The following FSIP1 variants were observed in gnomAD, a reference collection of about 807,000 sequenced individuals.
The protein encoded by FSIP1 is fibrous sheath interacting protein 1, also known as fibrous sheath-interacting protein 1.
Under a neutral mutation model 60.9 loss-of-function variants are expected in FSIP1, and 65 were observed. That is an observed-to-expected ratio of 1.07 (90% CI 0.87 to 1.31). The LOEUF is 1.31. Among genes scored for constraint, FSIP1 ranks in the 40% most tolerant of loss-of-function variants. The probability of loss-of-function intolerance (pLI) is 0.00; values close to 1 mark genes in which losing one functional copy is unlikely to be tolerated. For synonymous variants in FSIP1, 209 were observed against 221.2 expected (o/e 0.94, Z 0.49); for missense variants, 675 against 665.5 (o/e 1.01, Z -0.16).
intron 10 of FSIP1, among the ~76,000 whole-genome samples, chr15:39,654,663 G>A (rs895582854): frequency 1.3e-5 from 2 of 152,334 alleles, no homozygotes; most frequent in African/African-American, 2.4e-5. Context: ...GATATAACAC[G>A]TATATTCGTT....
intron 10 of FSIP1, among the ~76,000 whole-genome samples, chr15:39,635,830 T>G (rs1407510529): frequency 6.6e-6 from 1 of 152,136 alleles, no homozygotes; most frequent in African/African-American, 2.4e-5. Context: ...GCTTAAGCTC[T>G]ATTACCCCAG....
At chr15:39,722,311 G>C (rs1896014429) in intron 9 of FSIP1, among the ~76,000 whole-genome samples, 1 of 151,860 alleles carries the variant, frequency 6.6e-6, no homozygotes, top group African/African-American at 2.4e-5. Flanking sequence ...CTACATTATG[G>C]TGAGTTGTAT....
chr15:39,760,661 C>T (rs1897465254), intron 5 of FSIP1, among the ~76,000 whole-genome samples: 1 of 152,126 alleles, frequency 6.6e-6, no homozygotes, highest in Non-Finnish European at 1.5e-5. Context: ...GAGGAACTAT[C>T]ACAGATTGGA....
intron 1 of FSIP1, among the ~76,000 whole-genome samples, chr15:39,781,738 C>A (rs79434085): frequency 0.021 from 3,259 of 152,276 alleles, 124 homozygotes; most frequent in African/African-American, 0.075. Flanking sequence ...TGTTTGCTTC[C>A]ATCAATATGA....
intron 8 of FSIP1, among the ~76,000 whole-genome samples, chr15:39,733,508 A>G (rs1328061829): frequency 1.3e-5 from 2 of 152,220 alleles, no homozygotes; most frequent in Non-Finnish European, 2.9e-5. Flanking sequence ...AAGAGGTCCT[A>G]TAGCCACCTG....
At chr15:39,690,811 C>T (rs1259313041) in intron 10 of FSIP1, among the ~76,000 whole-genome samples, 2 of 152,154 alleles carry the variant, frequency 1.3e-5, no homozygotes, top group Admixed American at 6.5e-5. Flanking sequence ...GTCAAAGGAT[C>T]GATACTGTGC....
At chr15:39,615,728 C>CAAAAAAAAAAA (rs35259437) in intron 11 of FSIP1, among the ~76,000 whole-genome samples, 1 of 119,820 alleles carries the variant, frequency 8.3e-6, no homozygotes, top group African/African-American at 3.2e-5. Context: ...ACTAAAAATA[C>CAAAAAAAAAAA]AAAAAAAAAA....
At chr15:39,664,011 C>T (rs1432238864) in intron 10 of FSIP1, among the ~76,000 whole-genome samples, 1 of 152,100 alleles carries the variant, frequency 6.6e-6, no homozygotes. Context: ...CATTAAAGGG[C>T]TGTTAAAAGA....
At chr15:39,766,633 T>C (rs1054628527) in intron 3 of FSIP1, among the ~76,000 whole-genome samples, 2 of 152,214 alleles carry the variant, frequency 1.3e-5, no homozygotes, top group African/African-American at 4.8e-5. Flanking sequence ...CTTAGCCTCT[T>C]AGCCACAGAT....
chr15:39,726,774 C>A, intron 8 of FSIP1, 27 bp from the exon 9 acceptor site: 1 of 1,605,202 alleles, frequency 6.2e-7, no homozygotes, highest in South Asian at 1.1e-5. Flanking sequence ...GTCACCAGGT[C>A]ATTCTCAGGC....
intron 5 of FSIP1, among the ~76,000 whole-genome samples, chr15:39,761,440 G>A (rs1354073603): frequency 1.3e-5 from 2 of 152,110 alleles, no homozygotes; most frequent in Non-Finnish European, 2.9e-5. Flanking sequence ...TAGAATTAGA[G>A]GACATTATGC....
At chr15:39,678,402 T>C (rs1235314440) in intron 10 of FSIP1, among the ~76,000 whole-genome samples, 1 of 152,140 alleles carries the variant, frequency 6.6e-6, no homozygotes, top group Non-Finnish European at 1.5e-5. Flanking sequence ...TACACAAATA[T>C]GGTTTAACCA....
intron 9 of FSIP1, among the ~76,000 whole-genome samples, chr15:39,717,380 CAGA>C (rs1895782874): frequency 1.3e-5 from 2 of 152,134 alleles, no homozygotes; most frequent in African/African-American, 4.8e-5. Context: ...GAGTACAGGA[CAGA>C]AGGAGAGAGA....
intron 5 of FSIP1, among the ~76,000 whole-genome samples, chr15:39,747,994 C>G (rs1247141587): frequency 6.6e-6 from 1 of 152,080 alleles, no homozygotes; most frequent in African/African-American, 2.4e-5. Context: ...CTATTTATCC[C>G]TTCATGTTGT....
At chr15:39,640,938 T>G (rs1403153898) in intron 10 of FSIP1, among the ~76,000 whole-genome samples, 1 of 152,206 alleles carries the variant, frequency 6.6e-6, no homozygotes, top group Non-Finnish European at 1.5e-5. Flanking sequence ...GTTTTCAATC[T>G]CATCTGCCTT....
chr15:39,758,202 G>A (rs1460787363), intron 5 of FSIP1, among the ~76,000 whole-genome samples: 1 of 151,982 alleles, frequency 6.6e-6, no homozygotes, highest in African/African-American at 2.4e-5. Flanking sequence ...AAACATATTT[G>A]ACAGTTTTGA....
intron 9 of FSIP1, among the ~76,000 whole-genome samples, chr15:39,715,075 T>C (rs1244970298): frequency 6.6e-6 from 1 of 151,880 alleles, no homozygotes; most frequent in Non-Finnish European, 1.5e-5. Context: ...GCCTCCTGGC[T>C]GGTCTTGATG....
intron 8 of FSIP1, among the ~76,000 whole-genome samples, chr15:39,730,347 A>G (rs1336977520): frequency 1.3e-5 from 2 of 152,252 alleles, no homozygotes; most frequent in Non-Finnish European, 2.9e-5. Flanking sequence ...TTACCCACAT[A>G]TCTACAGTGG....
At chr15:39,672,050 G>T (rs559716760) in intron 10 of FSIP1, among the ~76,000 whole-genome samples, 1 of 152,294 alleles carries the variant, frequency 6.6e-6, no homozygotes, top group Admixed American at 6.5e-5. Flanking sequence ...AGACCTGGGG[G>T]AATAGCATTT....
Sources: gnomAD v4.1 joint callset for allele counts (sites outside exome capture counted in the v4.1 genomes callset) on GRCh38, gnomAD v4.1.1 for gene constraint, MANE v1.5 for transcripts, NCBI Gene and HGNC (gene_info 2026-07-23, HGNC 2026-07-21) for gene names.